MYO1A: variants seen among roughly 807,000 people sequenced by gnomAD.
MYO1A encodes unconventional myosin-Ia.
Under a neutral mutation model 138.5 loss-of-function variants are expected in MYO1A, and 127 were observed. The ratio of observed to expected loss-of-function variants is 0.92; its 90% CI spans 0.79 to 1.06. The LOEUF (loss-of-function observed/expected upper bound fraction) is 1.06. MYO1A is among the 50% of genes least tolerant of loss of function. MYO1A has a pLI of 0.00. For synonymous variants in MYO1A, 477 were observed against 497.5 expected (o/e 0.96, Z 0.55); for missense variants, 1,211 against 1,288.8 (o/e 0.94, Z 0.92).
chr12:57,029,714 G>A (rs1188323114), intron 25 of MYO1A, 26 bp downstream of exon 25: 13 of 1,613,346 alleles, frequency 8.1e-6, no homozygotes, highest in Middle Eastern at 1.7e-4. Context: ...CTAGCTGCGG[G>A]AGGAGTTCAG....
rs771303737 is a variant in MYO1A at position 57,047,699 on chromosome 12, A to G, written c.253T>C (p.Tyr85His). 9.9e-6 allele frequency: 16 copies of G among 1,614,072 alleles called. No homozygotes were observed. The highest frequency in any genetic ancestry group is 1.2e-5 in the Non-Finnish European group (14 of 1,180,046). Residue 85 changes from tyrosine to histidine, a missense_variant, in exon 4 of 28, where the codon TAC becomes CAC. Coordinates refer to ENST00000300119, the MANE Select transcript of MYO1A (RefSeq NM_005379.4). ...CGGTCCCTGTCCCTCAGTGACTGGT[A>G]CGCCACATTTGCCAATGCGTAGCTT... The part of the protein sequence containing the change: ...PHIYALANVA[Y>H]QSLRDRDRDQ...
chr12:57,047,563 T>C, intron 4 of MYO1A, 64 bp downstream of exon 4: 1 of 1,576,460 alleles, frequency 6.3e-7, no homozygotes, highest in Non-Finnish European at 8.7e-7. Flanking sequence ...AGGTCTGGCT[T>C]GCAAAGAGAC....
chr12:57,038,364 A>G (rs1166616342), intron 17 of MYO1A, 48 bp downstream of exon 17: 12 of 1,587,738 alleles, frequency 7.6e-6, no homozygotes, highest in Non-Finnish European at 1.0e-5. Flanking sequence ...TGGACCCTGC[A>G]CGTGCCATCA....
chr12:57,043,048 G>A, intron 12 of MYO1A, 24 bp downstream of exon 12: 2 of 1,612,308 alleles, frequency 1.2e-6, no homozygotes, highest in Non-Finnish European at 1.7e-6. Context: ...AGGAGAGCAT[G>A]GAGAAAGCAG....
rs145442590 is a variant in MYO1A at position 57,037,080 on chromosome 12, G to A, written c.2067C>T (p.Leu689=). The part of the protein sequence containing the change: ...FIRSPKTLFY[L]EEQRRLRLQQ... The stretch of plus-strand genomic sequence containing the variant: ...GGAGTCTCAGGCGCCTCTGTTCTTC[G>A]AGGTAGAAAAGCTGTGGAGAGGTGG... Residue 689 remains leucine (L), a synonymous_variant, in exon 20 of 28, where the codon CTC becomes CTT. Transcript: ENST00000300119. 5.8e-5 allele frequency: 93 copies of A among 1,614,130 alleles called. No homozygotes were observed. In the African/African-American group the frequency reaches 8.3e-4, roughly 14 times the overall value.
Position 57,036,835 on chromosome 12 carries a change from C to T in MYO1A, c.2211G>A (p.Lys737=), listed in dbSNP as rs773613552. Residue 737 remains lysine, a synonymous_variant, in exon 21 of 28, where the codon AAG becomes AAA. Coordinates refer to ENST00000300119, the MANE Select transcript of MYO1A (RefSeq NM_005379.4). ...ISSWFRGNMQ[K]KCYGKIKASV... is the part of the protein sequence containing the mutation. ...ATGCCTTTATCTTCCCATAGCATTT[C>T]TTTTGCTGTAGAAAACATAGGAGTT... 6.2e-7 allele frequency: 1 copy of T among 1,614,232 alleles called. No individual in the cohort carries two copies. The highest frequency in any genetic ancestry group is 8.5e-7 in the Non-Finnish European group (1 of 1,180,028).
chr12:57,042,479 T>A (rs1043899344), intron 12 of MYO1A, among the ~76,000 whole-genome samples: 1 of 152,214 alleles, frequency 6.6e-6, no homozygotes. Context: ...GACATCTAAT[T>A]TCAGTTCTCT....
intron 10 of MYO1A, 76 bp from the exon 11 acceptor site, chr12:57,043,434 A>T: frequency 2.2e-6 from 3 of 1,375,996 alleles, no homozygotes; most frequent in Non-Finnish European, 3.1e-6. Context: ...CTGATAAGTG[A>T]AACTGCCTGA....
intron 22 of MYO1A, among the ~76,000 whole-genome samples, chr12:57,035,026 T>G (rs1237623945): frequency 2.0e-5 from 3 of 151,860 alleles, no homozygotes; most frequent in African/African-American, 7.3e-5. Context: ...CTAGCATTAG[T>G]TACAGTCAAG....
rs2031093489 is a variant in MYO1A at position 57,046,498 on chromosome 12, G to A, written c.640+54C>T. ...GGGGTTCTGGGACTGAATGGAGGTT[G>A]GGGACTTTGCCATGTGTCACTCATG... On this transcript the variant is annotated intron_variant, in intron 8 of 27. Coordinates refer to ENST00000300119, the MANE Select transcript of MYO1A (RefSeq NM_005379.4). 2.9e-6 allele frequency: 4 copies of A among 1,372,384 alleles called. No individual in the cohort carries two copies. In the South Asian group the frequency reaches 3.5e-5, roughly 12 times the overall value. The allele number at this position is 1,372,384 out of a possible 1,614,324, so 85.0% of individuals were successfully genotyped here.
At chr12:57,031,576 T>A (rs1241601617) in intron 22 of MYO1A, among the ~76,000 whole-genome samples, 1 of 152,060 alleles carries the variant, frequency 6.6e-6, no homozygotes, top group East Asian at 1.9e-4. Flanking sequence ...TTTCCCCTCC[T>A]CTCAAATCAG....
intron 7 of MYO1A, 50 bp from the exon 8 acceptor site, chr12:57,046,700 A>C: frequency 6.5e-7 from 1 of 1,530,474 alleles, no homozygotes; most frequent in Non-Finnish European, 9.1e-7. Context: ...GAGATGCCGT[A>C]GCTTCTCCAG....
chr12:57,044,306 C>G, intron 8 of MYO1A, 97 bp from the exon 9 acceptor site: 2 of 946,112 alleles, frequency 2.1e-6, no homozygotes, highest in Non-Finnish European at 3.3e-6. Context: ...TGGATTCATT[C>G]ACTTATCCAA....
In MYO1A at chr12:57,048,212, A is replaced by C. The variant is rs1294645661; in HGVS notation, c.112T>G (p.Tyr38Asp). Residue 38 changes from tyrosine (Y) to aspartate (D), a missense_variant and splice_region_variant, in exon 2 of 28, where the codon TAT (tyrosine) becomes GAT (aspartate). Transcript: ENST00000300119. ...AGAGGCACCCATATGACACTCACAT[A>C]AATCTCCTTGTTTTCATAGCGAAGC... ...LQLRYENKEI[Y>D]TYIGNVVISV... 6.2e-7 allele frequency: 1 copy of C among 1,613,472 alleles called. No individual in the cohort carries two copies. The highest frequency in any genetic ancestry group is 2.2e-5 in the East Asian group (1 of 44,880).
At chr12:57,040,546 A>G (rs1019442808) in intron 14 of MYO1A, among the ~76,000 whole-genome samples, 1 of 152,230 alleles carries the variant, frequency 6.6e-6, no homozygotes, top group Non-Finnish European at 1.5e-5. Context: ...TAAAATTAAA[A>G]CATACAAAAC....
At chr12:57,038,712 G>A (rs2030709637) in intron 16 of MYO1A, 74 bp from the exon 17 acceptor site, 10 of 1,607,754 alleles carry the variant, frequency 6.2e-6, no homozygotes, top group Non-Finnish European at 6.0e-6. Context: ...GTCTCATTGT[G>A]AAGTATTCCA....
intron 26 of MYO1A, 81 bp from the exon 27 acceptor site, chr12:57,029,340 C>T (rs892518726): frequency 8.1e-6 from 13 of 1,612,936 alleles, no homozygotes; most frequent in East Asian, 2.2e-5. Context: ...AGGCCCAGAG[C>T]GAAAGGTCTG....
intron 19 of MYO1A, 113 bp downstream of exon 19, chr12:57,037,435 C>G (rs1327593455): frequency 2.0e-6 from 2 of 980,224 alleles, no homozygotes; most frequent in African/African-American, 3.2e-5. Flanking sequence ...GCTTCCCATC[C>G]ACTGGACAGT....
chr12:57,033,393 G>A (rs897314982), intron 22 of MYO1A, among the ~76,000 whole-genome samples: 20 of 151,932 alleles, frequency 1.3e-4, no homozygotes, highest in Admixed American at 3.9e-4. Flanking sequence ...TTGCTCTGTC[G>A]CCCAGGCTGG....
Sources: allele counts gnomAD v4.1 joint callset (sites outside exome capture counted in the v4.1 genomes callset), GRCh38; gene constraint gnomAD v4.1.1; transcripts MANE v1.5; gene names NCBI Gene and HGNC (gene_info 2026-07-23, HGNC 2026-07-21).